Variants in CERS4 observed in about 807,000 individuals in gnomAD.
CERS4 encodes the protein ceramide synthase 4, also known as LAG1 homolog, ceramide synthase 4.
A neutral mutation model predicts 51.8 loss-of-function variants in CERS4; 65 were observed. That is an observed-to-expected ratio of 1.26 (90% CI 1.03 to 1.54). CERS4 has a LOEUF of 1.54. Among genes scored for constraint, CERS4 ranks in the 40% most tolerant of loss-of-function variants. CERS4 has a pLI of 0.00. For synonymous variants in CERS4, 228 were observed against 208.4 expected, an observed-to-expected ratio of 1.09 and a Z score of -0.81; for missense variants, 563 against 500.4, an observed-to-expected ratio of 1.13 and a Z score of -1.19.
At chr19:8,246,192 G>A (rs1414046246) in intron 2 of CERS4, among the ~76,000 whole-genome samples, 1 of 152,078 alleles carries the variant, frequency 6.6e-6, no homozygotes, top group Non-Finnish European at 1.5e-5. Flanking sequence ...AGTTTCTAGA[G>A]GAAATATTTG....
chr19:8,255,383 G>T (rs1194887150), intron 4 of CERS4, among the ~76,000 whole-genome samples: 1 of 152,164 alleles, frequency 6.6e-6, no homozygotes, highest in Non-Finnish European at 1.5e-5. Context: ...ATCCCCGTCA[G>T]CGACCTGCCT....
intron 2 of CERS4, among the ~76,000 whole-genome samples, chr19:8,243,273 T>A (rs532080902): frequency 1.3e-5 from 2 of 150,816 alleles, no homozygotes; most frequent in Non-Finnish European, 2.9e-5. Flanking sequence ...CTGTGAGAGC[T>A]GAGTACAGTT....
chr19:8,241,935 A>G (rs924081154), intron 2 of CERS4, among the ~76,000 whole-genome samples: 10 of 152,156 alleles, frequency 6.6e-5, no homozygotes, highest in Non-Finnish European at 1.2e-4. Context: ...AAAAGAGAAA[A>G]GCTAGAAATT....
At chr19:8,222,739 C>A (rs1253180937) in intron 2 of CERS4, among the ~76,000 whole-genome samples, 2 of 151,990 alleles carry the variant, frequency 1.3e-5, no homozygotes, top group Admixed American at 1.3e-4. Context: ...CTCAGATGAT[C>A]CACCCGCCTC....
At chr19:8,257,815 A>G in intron 9 of CERS4, 64 bp from the exon 10 acceptor site, 1 of 1,276,884 alleles carries the variant, frequency 7.8e-7, no homozygotes, top group Non-Finnish European at 1.1e-6. Context: ...CCCATCCTAT[A>G]GCACCTTCTC....
intron 10 of CERS4, among the ~76,000 whole-genome samples, chr19:8,258,189 C>G (rs962196538): frequency 6.6e-6 from 1 of 152,146 alleles, no homozygotes; most frequent in Non-Finnish European, 1.5e-5. Flanking sequence ...TATTACTCAG[C>G]GTGCCTGGAC....
chr19:8,213,998 G>A (rs1967186399), intron 2 of CERS4, among the ~76,000 whole-genome samples: 1 of 152,002 alleles, frequency 6.6e-6, no homozygotes, highest in Non-Finnish European at 1.5e-5. Context: ...AAAAAACAGA[G>A]TAGCATAGAA....
At chr19:8,259,750 T>G (rs560513365) in intron 10 of CERS4, among the ~76,000 whole-genome samples, 3 of 152,046 alleles carry the variant, frequency 2.0e-5, no homozygotes, top group Non-Finnish European at 4.4e-5. Flanking sequence ...GGCATGCCAG[T>G]CTGGGCTTCT....
intron 3 of CERS4, among the ~76,000 whole-genome samples, chr19:8,253,449 CTTTTTTTTTTT>C (rs35212733): frequency 2.7e-5 from 2 of 74,054 alleles, no homozygotes; most frequent in South Asian, 3.9e-4. Flanking sequence ...GTCCAGCTGC[CTTTTTTTTTTT>C]TTTTTTTTTT....
intron 2 of CERS4, among the ~76,000 whole-genome samples, chr19:8,221,512 TAAAC>T (rs1967540052): frequency 6.6e-6 from 1 of 151,936 alleles, no homozygotes; most frequent in African/African-American, 2.4e-5. Flanking sequence ...TGTATTTCGG[TAAAC>T]AAACAATGTG....
chr19:8,262,005 C>T lies in CERS4; in HGVS notation c.1081C>T (p.Gln361Ter). 1 of 1,593,768 alleles carries T rather than the reference C, an allele frequency of 6.3e-7. No homozygotes were observed. Among genetic ancestry groups the T allele is most frequent in the South Asian group, 1.1e-5 (1 of 88,322 alleles). The change falls in exon 12 of 12, where the codon CAG becomes TAG. Residue 361 changes from glutamine (Q) to a stop codon, truncating the protein, a stop_gained. Coordinates refer to ENST00000251363, the MANE Select transcript of CERS4 (RefSeq NM_024552.3). LOFTEE classifies it low-confidence loss of function (END_TRUNC). ...GGCGGCGGCGGCCCAGGAACCTCTG[C>T]AGCTAAAGAACGGGGCAGCTGGAGG... Reference protein sequence around the residue: ...EEAAAAQEPLQLKNGAAGGPR... With the variant: ...EEAAAAQEPL
chr19:8,248,646 G>C (rs1014775447), intron 2 of CERS4, among the ~76,000 whole-genome samples: 11 of 151,886 alleles, frequency 7.2e-5, no homozygotes, highest in Admixed American at 3.9e-4. Flanking sequence ...TTGGATGAGT[G>C]GATGGATGAT....
intron 2 of CERS4, among the ~76,000 whole-genome samples, chr19:8,224,098 C>T (rs1309822504): frequency 1.4e-4 from 14 of 100,756 alleles, no homozygotes; most frequent in East Asian, 6.0e-4. Flanking sequence ...AGCAAGACTC[C>T]GTCTTTAAAA....
At chr19:8,244,288 C>G (rs965582678) in intron 2 of CERS4, among the ~76,000 whole-genome samples, 1 of 152,204 alleles carries the variant, frequency 6.6e-6, no homozygotes, top group East Asian at 1.9e-4. Context: ...CCCAGGAGAT[C>G]GAGGCTGCAG....
chr19:8,258,554 CAA>C (rs1306866181), intron 10 of CERS4, among the ~76,000 whole-genome samples: 6 of 151,540 alleles, frequency 4.0e-5, no homozygotes, highest in African/African-American at 1.2e-4. Context: ...ACTAAAAATA[CAA>C]AAGTTAGGCT....
chr19:8,236,609 G>T (rs998327059), intron 2 of CERS4, among the ~76,000 whole-genome samples: 1 of 148,800 alleles, frequency 6.7e-6, no homozygotes, highest in Non-Finnish European at 1.5e-5. Context: ...GGCCCAAGAC[G>T]CAGAGGTAGC....
At chr19:8,261,269 T>C in intron 10 of CERS4, 1 of 176,418 alleles carries the variant, frequency 5.7e-6, no homozygotes, top group Non-Finnish European at 1.2e-5. Context: ...CCCTGCTCCC[T>C]GTGTCTTCCT....
intron 2 of CERS4, among the ~76,000 whole-genome samples, chr19:8,238,150 A>G (rs1471154773): frequency 6.6e-6 from 1 of 150,896 alleles, no homozygotes; most frequent in Non-Finnish European, 1.5e-5. Flanking sequence ...GGACCTCCCC[A>G]CTTTACTCTG....
chr19:8,255,491 C>T (rs1969326984), intron 4 of CERS4, 116 bp from the exon 5 acceptor site: 3 of 887,136 alleles, frequency 3.4e-6, no homozygotes, highest in Admixed American at 2.3e-5. Context: ...ACATGGTCAC[C>T]CTGTAGGCAA....
Sources: allele counts gnomAD v4.1 joint callset (sites outside exome capture counted in the v4.1 genomes callset), GRCh38; gene constraint gnomAD v4.1.1; transcripts MANE v1.5; gene names NCBI Gene and HGNC (gene_info 2026-07-23, HGNC 2026-07-21).